XKR3: variants seen among roughly 807,000 people sequenced by gnomAD.
XKR3 encodes XK related 3.
XKR3 carries 27 observed loss-of-function variants against 40.3 expected under a neutral mutation model. The observed-to-expected ratio is 0.67, with a 90% CI of 0.49 to 0.92. The LOEUF (loss-of-function observed/expected upper bound fraction) is 0.92. Ranked by LOEUF, XKR3 falls within the 40% of genes least tolerant of loss-of-function variation. The pLI is 0.00. For missense variants in XKR3, 472 were observed against 537.6 expected (o/e 0.88, Z 1.21); for synonymous variants, 193 against 195.4 (o/e 0.99, Z 0.10).
intron 1 of XKR3, among the ~76,000 whole-genome samples, chr22:16,818,176 T>G (rs1450265945): frequency 1.3e-5 from 2 of 152,154 alleles, no homozygotes; most frequent in African/African-American, 4.8e-5. Context: ...TACCTCCCCA[T>G]GTTTTGCTTT....
intron 3 of XKR3, among the ~76,000 whole-genome samples, chr22:16,792,846 C>A (rs915745506): frequency 4.0e-4 from 61 of 152,268 alleles, no homozygotes; most frequent in African/African-American, 1.4e-3. Context: ...CATGTTGCAA[C>A]CAGCACTTCC....
Position 16,799,792 on chromosome 22 carries a change from G to A in XKR3, c.568C>T (p.Arg190Ter), listed in dbSNP as rs562118958. 2.0e-5 allele frequency: 32 copies of A among 1,613,774 alleles called. No individual in the cohort carries two copies. Among genetic ancestry groups the A allele is most frequent in the African/African-American group, 8.0e-5 (6 of 74,842 alleles). Residue 190 changes from arginine (R) to a stop codon, truncating the protein, a stop_gained, in exon 3 of 4, where the codon CGA (arginine) becomes TGA (stop). Transcript: ENST00000684488. LOFTEE classifies it high-confidence loss of function. Reference protein sequence around the residue: ...ILQMYISLTIREWPLNRALLM... With the variant: ...ILQMYISLTI The stretch of plus-strand genomic sequence containing the variant: ...TTACCTCTATTCAAAGGCCATTCTC[G>A]TATAGTGAGACTGATATACATCTGC...
chr22:16,824,607 G>T lies in XKR3; in HGVS notation c.-11+684C>A, dbSNP rs114898114. On this transcript the variant is annotated intron_variant, in intron 1 of 3. Coordinates refer to ENST00000684488, the MANE Select transcript of XKR3 (RefSeq NM_001386955.1). The stretch of plus-strand genomic sequence containing the variant: ...GAAAGCATGGAAAGACAACTGCAGA[G>T]ACATCAGAGTTTCTGGGCCTCAGGA... Among the ~76,000 whole-genome samples the T allele has an allele frequency of 7.2e-3, 1,103 of 152,206 alleles. 14 individuals carry two copies. Among genetic ancestry groups the T allele is most frequent in the African/African-American group, 0.025 (1,036 of 41,544 alleles).
At chr22:16,792,420 C>A (rs1371359272) in intron 3 of XKR3, among the ~76,000 whole-genome samples, 1 of 152,152 alleles carries the variant, frequency 6.6e-6, no homozygotes, top group Non-Finnish European at 1.5e-5. Flanking sequence ...GCATCTAATG[C>A]CATGAAGCTA....
intron 2 of XKR3, among the ~76,000 whole-genome samples, chr22:16,802,809 A>G (rs184424807): frequency 2.2e-4 from 33 of 152,206 alleles, no homozygotes; most frequent in African/African-American, 7.9e-4. Flanking sequence ...CTTCCTACAA[A>G]CTCATTAACT....
At chr22:16,807,411 T>A (rs2146167680) in intron 2 of XKR3, among the ~76,000 whole-genome samples, 1 of 152,320 alleles carries the variant, frequency 6.6e-6, no homozygotes, top group East Asian at 1.9e-4. Context: ...ATTCCTTAAT[T>A]TAAGGTTATA....
At chr22:16,785,721 G>T (rs1438251600) in intron 3 of XKR3, among the ~76,000 whole-genome samples, 1 of 151,794 alleles carries the variant, frequency 6.6e-6, no homozygotes, top group Non-Finnish European at 1.5e-5. Context: ...AAAATTAGCC[G>T]GGCATAGACC....
chr22:16,807,860 T>C lies in XKR3; in HGVS notation c.214A>G (p.Ser72Gly). 1 of 1,613,970 alleles carries C rather than the reference T, an allele frequency of 6.2e-7. No individual in the cohort carries two copies. Among genetic ancestry groups the C allele is most frequent in the Non-Finnish European group, 8.5e-7 (1 of 1,179,910 alleles). The change falls in exon 2 of 4, where the codon AGC becomes GGC. Residue 72 changes from serine (S) to glycine (G), a missense_variant. Transcript: ENST00000684488. ...AAAATTGCCCCCACAATAATAAAGC[T>C]GATGGTAAATGACATCCAGAATGTG... is the stretch of plus-strand genomic sequence containing the variant. ...NDTFWMSFTI[S>G]FIIVGAILDQ... is the part of the protein sequence containing the mutation.
chr22:16,793,170 GC>G (rs2060127471), intron 3 of XKR3, among the ~76,000 whole-genome samples: 1 of 152,078 alleles, frequency 6.6e-6, no homozygotes, highest in Non-Finnish European at 1.5e-5. Flanking sequence ...GCTCCACCAC[GC>G]CCGGTTAATT....
At chr22:16,796,022 A>G (rs2060139079) in intron 3 of XKR3, among the ~76,000 whole-genome samples, 1 of 152,184 alleles carries the variant, frequency 6.6e-6, no homozygotes, top group African/African-American at 2.4e-5. Flanking sequence ...TATAGGCTAT[A>G]TATGACTGAT....
At chr22:16,792,842 G>A (rs1269522014) in intron 3 of XKR3, among the ~76,000 whole-genome samples, 1 of 152,044 alleles carries the variant, frequency 6.6e-6, no homozygotes, top group African/African-American at 2.4e-5. Flanking sequence ...TTTACATGTT[G>A]CAACCAGCAC....
intron 1 of XKR3, among the ~76,000 whole-genome samples, chr22:16,819,841 A>C (rs2060248539): frequency 6.6e-6 from 1 of 152,174 alleles, no homozygotes; most frequent in African/African-American, 2.4e-5. Flanking sequence ...AGATGGAAGA[A>C]AGCATATATG....
Position 16,787,719 on chromosome 22 carries a change from G to A in XKR3, c.590-3310C>T, listed in dbSNP as rs201379087. On this transcript the variant is annotated intron_variant, in intron 3 of 3. Transcript: ENST00000684488. ...AATAAGATTAAATCCAAATAATATC[G>A]CCATGGCTTAATATAATCAAACCAA... 7.1e-3 allele frequency among the ~76,000 whole-genome samples: 1,083 copies of A among 151,724 alleles called. 6 individuals carry two copies. Among genetic ancestry groups the A allele is most frequent in the South Asian group, 0.014 (66 of 4,804 alleles).
At chr22:16,800,767 A>G (rs2060165501) in intron 2 of XKR3, among the ~76,000 whole-genome samples, 1 of 152,216 alleles carries the variant, frequency 6.6e-6, no homozygotes. Context: ...GCAAGATACC[A>G]TGAATAAGAA....
intron 3 of XKR3, among the ~76,000 whole-genome samples, chr22:16,796,615 A>C (rs1208519494): frequency 6.6e-6 from 1 of 152,186 alleles, no homozygotes; most frequent in Non-Finnish European, 1.5e-5. Flanking sequence ...CCAAAACAGA[A>C]AAAGGGATTG....
rs190793831 is a variant in XKR3 at position 16,801,517 on chromosome 22, G to A, written c.336-1493C>T. Among the ~76,000 whole-genome samples the A allele has an allele frequency of 1.2e-3, 186 of 152,302 alleles. 1 individual carries two copies. Among genetic ancestry groups the A allele is most frequent in the African/African-American group, 4.4e-3 (183 of 41,556 alleles). ...AGATTACACCACTGCTCTCCAACCT[G>A]CACAACACGGCAAGATGCCATTTCA... On this transcript the variant is annotated intron_variant, in intron 2 of 3. Coordinates refer to ENST00000684488, the MANE Select transcript of XKR3 (RefSeq NM_001386955.1).
intron 1 of XKR3, among the ~76,000 whole-genome samples, chr22:16,823,295 A>G (rs987748523): frequency 6.6e-6 from 1 of 152,194 alleles, no homozygotes; most frequent in Admixed American, 6.5e-5. Flanking sequence ...AAAATAATAC[A>G]TCGGCAGCAG....
At chr22:16,788,895 G>A (rs1399326071) in intron 3 of XKR3, among the ~76,000 whole-genome samples, 1 of 151,890 alleles carries the variant, frequency 6.6e-6, no homozygotes, top group Non-Finnish European at 1.5e-5. Flanking sequence ...ACAAAATCTA[G>A]GTGGTCATTT....
intron 1 of XKR3, among the ~76,000 whole-genome samples, chr22:16,816,110 T>TA (rs2060232085): frequency 1.3e-5 from 2 of 151,984 alleles, no homozygotes; most frequent in African/African-American, 4.8e-5. Flanking sequence ...AATCCAGTGT[T>TA]AGAGTATTTA....
Sources: allele counts gnomAD v4.1 joint callset (sites outside exome capture counted in the v4.1 genomes callset), GRCh38; gene constraint gnomAD v4.1.1; transcripts MANE v1.5; gene names NCBI Gene and HGNC (gene_info 2026-07-23, HGNC 2026-07-21).